Variants in SYNDIG1L observed in about 807,000 individuals in gnomAD.
SYNDIG1L encodes synapse differentiation inducing 1 like, also known as synapse differentiation-inducing gene protein 1-like.
A neutral mutation model predicts 20.1 loss-of-function variants in SYNDIG1L; 13 were observed. That is an observed-to-expected ratio of 0.65 (90% CI 0.42 to 1.03). The LOEUF (loss-of-function observed/expected upper bound fraction) is 1.03. Ranked by LOEUF, SYNDIG1L falls within the 50% of genes least tolerant of loss-of-function variation. The pLI is 0.00. For synonymous variants in SYNDIG1L, 128 were observed against 129.3 expected (o/e 0.99, Z 0.07); for missense variants, 294 against 305.1 (o/e 0.96, Z 0.27).
chr14:74,409,907 C>T, intron 1 of SYNDIG1L, 106 bp from the exon 2 acceptor site: 1 of 899,344 alleles, frequency 1.1e-6, no homozygotes, highest in Non-Finnish European at 1.5e-6. Context: ...TCAAACTCTG[C>T]CTCTGCCCTT....
At chr14:74,447,526 G>T in the SYNDIG1L span, among the ~76,000 whole-genome samples, 1 of 151,342 alleles carries the variant, frequency 6.6e-6, no homozygotes, top group Non-Finnish European at 1.5e-5. Context: ...GGTGGAGGTT[G>T]CAGTGAGCCA....
the SYNDIG1L span, among the ~76,000 whole-genome samples, chr14:74,476,754 C>A: frequency 8.5e-5 from 13 of 152,214 alleles, no homozygotes; most frequent in South Asian, 8.3e-4. Context: ...AGGAACCAAA[C>A]CCCTGGTTTG....
At chr14:74,447,608 A>G in the SYNDIG1L span, among the ~76,000 whole-genome samples, 15 of 152,056 alleles carry the variant, frequency 9.9e-5, no homozygotes, top group Non-Finnish European at 2.1e-4. Context: ...AAAAAATTAC[A>G]AAATTACAGT....
chr14:74,433,566 G>C, the SYNDIG1L span, among the ~76,000 whole-genome samples: 2 of 152,014 alleles, frequency 1.3e-5, no homozygotes, highest in Non-Finnish European at 2.9e-5. Flanking sequence ...TTGTATTTTA[G>C]TAGAGGCGGT....
chr14:74,478,879 C>T, the SYNDIG1L span, among the ~76,000 whole-genome samples: 2 of 152,102 alleles, frequency 1.3e-5, no homozygotes, highest in Non-Finnish European at 2.9e-5. Context: ...GTCTTCACAG[C>T]CCTATTATTA....
chr14:74,435,082 C>CAAAAAAAAA, the SYNDIG1L span, among the ~76,000 whole-genome samples: 2 of 54,974 alleles, frequency 3.6e-5, no homozygotes, highest in African/African-American at 7.1e-5. Context: ...GACTCCGTCT[C>CAAAAAAAAA]AAAAAAAAAA....
At chr14:74,415,881 A>G (rs1294482735) in intron 1 of SYNDIG1L, among the ~76,000 whole-genome samples, 1 of 152,246 alleles carries the variant, frequency 6.6e-6, no homozygotes, top group African/African-American at 2.4e-5. Flanking sequence ...GGTGAGACAA[A>G]TAGAAAGTAA....
At chr14:74,414,886 T>C (rs923886849) in intron 1 of SYNDIG1L, among the ~76,000 whole-genome samples, 1 of 152,122 alleles carries the variant, frequency 6.6e-6, no homozygotes, top group Non-Finnish European at 1.5e-5. Context: ...GTGGGTAATA[T>C]GAAGGCTTCA....
intron 1 of SYNDIG1L, among the ~76,000 whole-genome samples, chr14:74,416,646 A>C (rs1323334070): frequency 1.4e-5 from 2 of 145,986 alleles, no homozygotes; most frequent in Non-Finnish European, 1.5e-5. Flanking sequence ...AAACAAAAAC[A>C]AACCAAACAA....
chr14:74,408,696 A>C (rs1470587038), intron 2 of SYNDIG1L, among the ~76,000 whole-genome samples: 1 of 152,202 alleles, frequency 6.6e-6, no homozygotes, highest in East Asian at 1.9e-4. Flanking sequence ...ATTAAATTAC[A>C]TGGAGCAATA....
the SYNDIG1L span, among the ~76,000 whole-genome samples, chr14:74,457,677 G>T: frequency 2.0e-5 from 3 of 151,914 alleles, no homozygotes; most frequent in East Asian, 1.9e-4. Context: ...CCTATAGAAG[G>T]GGGGCAGCAA....
chr14:74,447,937 T>C, the SYNDIG1L span, among the ~76,000 whole-genome samples: 1 of 152,162 alleles, frequency 6.6e-6, no homozygotes, highest in Non-Finnish European at 1.5e-5. Context: ...AATATCACTT[T>C]GAGGTAAACT....
the SYNDIG1L span, among the ~76,000 whole-genome samples, chr14:74,442,534 C>G: frequency 2.6e-5 from 4 of 152,284 alleles, no homozygotes; most frequent in East Asian, 7.7e-4. Flanking sequence ...GAGAGATAAA[C>G]AAGGTCTAGG....
the SYNDIG1L span, among the ~76,000 whole-genome samples, chr14:74,451,228 A>G: frequency 6.6e-6 from 1 of 152,272 alleles, no homozygotes; most frequent in African/African-American, 2.4e-5. Context: ...ACAGAAAAAT[A>G]GTCAGTTAAC....
chr14:74,476,076 A>C, the SYNDIG1L span: 1 of 215,860 alleles, frequency 4.6e-6, no homozygotes, highest in Non-Finnish European at 9.2e-6. Flanking sequence ...TGCAAAACAG[A>C]AAAGAATCTT....
chr14:74,420,146 C>T (rs995056413), intron 1 of SYNDIG1L, among the ~76,000 whole-genome samples: 1 of 152,000 alleles, frequency 6.6e-6, no homozygotes, highest in Admixed American at 6.6e-5. Context: ...CCTGCAATCC[C>T]AGCACTTTGG....
chr14:74,460,252 GTTC>G, the SYNDIG1L span, among the ~76,000 whole-genome samples: 6 of 152,198 alleles, frequency 3.9e-5, no homozygotes, highest in African/African-American at 1.4e-4. Context: ...TCTACACTCT[GTTC>G]TTCTTGGTGC....
chr14:74,473,223 T>C, the SYNDIG1L span, among the ~76,000 whole-genome samples: 1 of 151,904 alleles, frequency 6.6e-6, no homozygotes, highest in African/African-American at 2.4e-5. Context: ...CCGTCTCTAC[T>C]GAAAGGCAAA....
At chr14:74,479,284 G>A in the SYNDIG1L span, 1 of 152,210 alleles carries the variant, frequency 6.6e-6, no homozygotes, top group African/African-American at 2.4e-5. Flanking sequence ...AAATTAGTGG[G>A]ATGAAAAGAA....
Sources: allele counts gnomAD v4.1 joint callset (sites outside exome capture counted in the v4.1 genomes callset), GRCh38; gene constraint gnomAD v4.1.1; transcripts MANE v1.5; gene names NCBI Gene and HGNC (gene_info 2026-07-23, HGNC 2026-07-21).